Variants in TBXAS1 observed in about 807,000 individuals in gnomAD.
TBXAS1 encodes thromboxane-A synthase.
TBXAS1 carries 48 observed loss-of-function variants against 60.7 expected under a neutral mutation model. The observed-to-expected ratio is 0.79, with a 90% CI of 0.63 to 1.01. The LOEUF (loss-of-function observed/expected upper bound fraction) is 1.01. TBXAS1 is among the 50% of genes least tolerant of loss of function. The pLI, the probability that TBXAS1 is intolerant of heterozygous loss-of-function variation, is 0.00. For synonymous variants in TBXAS1, 287 were observed against 269.7 expected, an observed-to-expected ratio of 1.06 and a Z score of -0.63; for missense variants, 685 against 686.3, an observed-to-expected ratio of 1.00 and a Z score of 0.02.
At chr7:139,944,121 C>T (rs1366298130) in intron 5 of TBXAS1, among the ~76,000 whole-genome samples, 5 of 152,136 alleles carry the variant, frequency 3.3e-5, no homozygotes, top group South Asian at 2.1e-4. Context: ...TATTACCAAT[C>T]GTGGAAGGTG....
chr7:139,879,746 A>G (rs1237859327), intron 3 of TBXAS1, among the ~76,000 whole-genome samples: 1 of 152,168 alleles, frequency 6.6e-6, no homozygotes, highest in Admixed American at 6.5e-5. Context: ...TTAAGTAAGA[A>G]TAAATATTTA....
At chr7:139,950,242 G>A (rs775545123) in intron 5 of TBXAS1, among the ~76,000 whole-genome samples, 7 of 151,732 alleles carry the variant, frequency 4.6e-5, no homozygotes, top group South Asian at 2.1e-4. Context: ...CTGCTGGCCC[G>A]CCAGGCTGGT....
At chr7:139,955,777 C>T (rs985353203) in intron 7 of TBXAS1, among the ~76,000 whole-genome samples, 170 bp downstream of exon 7, 3 of 152,158 alleles carry the variant, frequency 2.0e-5, no homozygotes, top group African/African-American at 4.8e-5. Flanking sequence ...TCTTGTCACC[C>T]GCCTAGGGCC....
intron 6 of TBXAS1, among the ~76,000 whole-genome samples, chr7:139,954,016 GT>G (rs927109085): frequency 9.5e-4 from 140 of 147,868 alleles, no homozygotes; most frequent in South Asian, 7.4e-3. Context: ...TTTTTTTGCA[GT>G]TTTTTTTTTT....
intron 4 of TBXAS1, among the ~76,000 whole-genome samples, chr7:139,809,221 TA>T (rs1425094931): frequency 1.1e-4 from 12 of 110,024 alleles, no homozygotes; most frequent in Admixed American, 2.1e-4. Flanking sequence ...GATAGATAGA[TA>T]GATAGATAGA....
chr7:139,918,378 T>C (rs575760763), intron 4 of TBXAS1, among the ~76,000 whole-genome samples: 313 of 152,288 alleles, frequency 2.1e-3, no homozygotes, highest in African/African-American at 7.2e-3. Context: ...ATAGAGCCAC[T>C]TGGAGCTTCA....
chr7:139,986,737 ATACATACATATATATATATG>A (rs1463170865), intron 9 of TBXAS1, among the ~76,000 whole-genome samples: 3 of 38,430 alleles, frequency 7.8e-5, no homozygotes, highest in African/African-American at 4.4e-4. Context: ...ATATATATAT[ATACATACATATATATATATG>A]TGTGTGTGTG....
intron 4 of TBXAS1, among the ~76,000 whole-genome samples, chr7:139,804,408 A>C (rs556560237): frequency 1.3e-5 from 2 of 152,346 alleles, no homozygotes; most frequent in African/African-American, 2.4e-5. Flanking sequence ...GCTCATAGGC[A>C]GAAGAGATTT....
chr7:139,794,095 T>TA (rs1797478121), intron 4 of TBXAS1, among the ~76,000 whole-genome samples: 1 of 144,734 alleles, frequency 6.9e-6, no homozygotes, highest in Non-Finnish European at 1.5e-5. Flanking sequence ...AGACACTTTC[T>TA]TTTTTTTTTT....
At chr7:139,785,357 C>G (rs1490113788) in intron 3 of TBXAS1, among the ~76,000 whole-genome samples, 1 of 152,108 alleles carries the variant, frequency 6.6e-6, no homozygotes, top group Non-Finnish European at 1.5e-5. Flanking sequence ...TTTCCAGACA[C>G]TGCTACCAAA....
At position 139,790,314 on chromosome 7, in the gene TBXAS1, G is replaced by A. The variant is rs201770721; in HGVS notation, c.-80+2888G>A. ...ACATTCAAGCTGCTCTTCCTACTAC[G>A]GCTATTACTACTAAATGCATTATAT... On this transcript the variant is annotated intron_variant, in intron 4 of 16. Transcript: ENST00000336425. 4.4e-4 allele frequency among the ~76,000 whole-genome samples: 67 copies of A among 152,230 alleles called. No homozygotes were observed. In the South Asian group the frequency reaches 9.5e-3, roughly 22 times the overall value.
At position 139,806,491 on chromosome 7, in the gene TBXAS1, G is replaced by A. The variant is rs991242717; in HGVS notation, c.-80+19065G>A. On this transcript the variant is annotated intron_variant, in intron 4 of 16. Coordinates refer to the TBXAS1 transcript ENST00000336425. ...TTGCCCAGGCTGGTCTTGAACTCCT[G>A]ACCTCAAGTGACCCAGCCGTCTTGG... Among the ~76,000 whole-genome samples, 72 of 151,574 alleles carry A rather than the reference G, an allele frequency of 4.8e-4. 1 individual carries two copies. Among genetic ancestry groups the A allele is most frequent in the Admixed American group, 4.7e-3 (72 of 15,188 alleles).
upstream of TBXAS1, among the ~76,000 whole-genome samples, chr7:139,826,341 G>A (rs780723689): frequency 5.9e-5 from 9 of 152,160 alleles, no homozygotes; most frequent in Non-Finnish European, 8.8e-5. Context: ...ATGCAGCCAG[G>A]AGCAGCCAGA....
intron 1 of TBXAS1, among the ~76,000 whole-genome samples, chr7:139,858,481 T>TGCC (rs1264857587): frequency 6.6e-6 from 1 of 152,232 alleles, no homozygotes; most frequent in Non-Finnish European, 1.5e-5. Context: ...TGACAGGGGA[T>TGCC]GCCTCTTAGC....
intron 1 of TBXAS1, among the ~76,000 whole-genome samples, chr7:139,869,801 C>G (rs192130534): frequency 6.6e-6 from 1 of 152,272 alleles, no homozygotes; most frequent in East Asian, 1.9e-4. Flanking sequence ...GGTGGTGATA[C>G]AATTCAACCC....
At chr7:139,955,391 TG>T in intron 6 of TBXAS1, 67 bp from the exon 7 acceptor site, 1 of 1,597,436 alleles carries the variant, frequency 6.3e-7, no homozygotes, top group Non-Finnish European at 8.6e-7. Flanking sequence ...CCTCCTCCTC[TG>T]GAGGGGGCCA....
chr7:139,855,343 C>T (rs1800508749), intron 1 of TBXAS1, among the ~76,000 whole-genome samples: 1 of 152,084 alleles, frequency 6.6e-6, no homozygotes, highest in Non-Finnish European at 1.5e-5. Flanking sequence ...GTTCAAACTC[C>T]CATTCTAAAC....
At chr7:139,972,939 AG>A (rs1415944264) in intron 9 of TBXAS1, among the ~76,000 whole-genome samples, 1 of 151,990 alleles carries the variant, frequency 6.6e-6, no homozygotes, top group Non-Finnish European at 1.5e-5. Flanking sequence ...CACAGATTTG[AG>A]GGGGGACGAG....
At chr7:140,016,196 CGG>C (rs1815048712) in intron 11 of TBXAS1, among the ~76,000 whole-genome samples, 3 of 151,860 alleles carry the variant, frequency 2.0e-5, no homozygotes, top group Middle Eastern at 3.2e-3. Flanking sequence ...GGCGTGGTGG[CGG>C]GCGCCTGTAG....
Sources: gnomAD v4.1 joint callset for allele counts (sites outside exome capture counted in the v4.1 genomes callset) on GRCh38, gnomAD v4.1.1 for gene constraint, MANE v1.5 for transcripts, NCBI Gene and HGNC (gene_info 2026-07-23, HGNC 2026-07-21) for gene names.